SLAIN1: variants seen among roughly 807,000 people sequenced by gnomAD.
SLAIN1 encodes the protein SLAIN family member 1, also known as SLAIN motif-containing protein 1.
SLAIN1 carries 17 observed loss-of-function variants against 55.4 expected under a neutral mutation model. The ratio of observed to expected loss-of-function variants is 0.31; its 90% CI spans 0.21 to 0.46. The LOEUF (loss-of-function observed/expected upper bound fraction) is 0.46, where lower values mean the gene tolerates loss of function less well. Ranked by LOEUF, SLAIN1 falls within the 20% of genes least tolerant of loss-of-function variation. The pLI is 1.00. For missense variants in SLAIN1, 682 were observed against 785.1 expected (o/e 0.87, Z 1.57); for synonymous variants, 348 against 337.4 (o/e 1.03, Z -0.35).
chr13:77,753,551 A>G (rs1450884669), intron 5 of SLAIN1, among the ~76,000 whole-genome samples, 193 bp downstream of exon 5: 1 of 151,918 alleles, frequency 6.6e-6, no homozygotes, highest in African/African-American at 2.4e-5. Context: ...TTCAAATAGT[A>G]TATTTACTAT....
At position 77,761,060 on chromosome 13, in the gene SLAIN1, A is replaced by G; in HGVS notation, c.1647A>G (p.Ala549=). The part of the protein sequence containing the change: ...GRSALPRPSL[A]INGSNLPRSK... The stretch of plus-strand genomic sequence containing the variant: ...GTGCACTCCCAAGACCTTCGTTGGC[A>G]ATAAATGGGAGTAACCTGCCTCGAA... The change falls in exon 6 of 7, where the codon GCA becomes GCG. Residue 549 remains alanine, a synonymous_variant. Coordinates refer to ENST00000418532, the MANE Select transcript of SLAIN1 (RefSeq NM_001242868.2). The G allele has an allele frequency of 6.2e-7, 1 of 1,614,206 alleles. No homozygotes were observed. Among genetic ancestry groups the G allele is most frequent in the South Asian group, 1.1e-5 (1 of 91,088 alleles).
intron 2 of SLAIN1, chr13:77,741,394 T>G (rs1171509378): frequency 1.0e-6 from 1 of 987,364 alleles, no homozygotes; most frequent in Non-Finnish European, 1.2e-6. Flanking sequence ...GAACTGGAAG[T>G]GCATGTCTGT....
chr13:77,735,945 T>C (rs1210365289), intron 2 of SLAIN1, among the ~76,000 whole-genome samples: 1 of 151,968 alleles, frequency 6.6e-6, no homozygotes, highest in Non-Finnish European at 1.5e-5. Context: ...GGTAAATTCC[T>C]CTTAATTATG....
intron 5 of SLAIN1, among the ~76,000 whole-genome samples, chr13:77,759,935 A>G (rs1357740268): frequency 6.6e-6 from 1 of 152,186 alleles, no homozygotes; most frequent in African/African-American, 2.4e-5. Context: ...TCAAGAGATG[A>G]TAAATAAAAC....
chr13:77,718,446 G>A (rs1464659287), intron 1 of SLAIN1, among the ~76,000 whole-genome samples: 2 of 151,992 alleles, frequency 1.3e-5, no homozygotes, highest in East Asian at 3.9e-4. Context: ...TTTACTTGCC[G>A]GTCCTTTACA....
rs1432523286 is a variant in SLAIN1 at position 77,698,452 on chromosome 13, C to T, written c.539C>T (p.Pro180Leu). Reference protein sequence around the residue: ...GTPPGAAAAPPSPPPTLLDEV... With the variant: ...GTPPGAAAAPLSPPPTLLDEV... The stretch of plus-strand genomic sequence containing the variant: ...CCGCCAGGGGCAGCTGCAGCGCCGC[C>T]CTCGCCGCCCCCCACGCTGCTGGAC... Residue 180 changes from proline (P) to leucine (L), a missense_variant, in exon 1 of 7, where the codon CCC (proline) becomes CTC (leucine). Around this residue, in one of 3 missense-constraint regions of SLAIN1, gnomAD observed 401 missense variants for 417.3 expected, o/e 0.96. Transcript: ENST00000418532. This position sits in a 1 kb window ranked among gnomAD's most constrained non-coding sequence, Gnocchi z 4.1. 1.2e-5 allele frequency: 17 copies of T among 1,440,286 alleles called. No individual in the cohort carries two copies. The highest frequency in any genetic ancestry group is 2.8e-5 in the South Asian group (2 of 72,116). 89.2% of individuals were successfully genotyped at this position (1,440,286 alleles called of 1,614,324 possible). A position where few individuals can be genotyped will look rare whatever the true frequency, so the allele number is the denominator to read the frequency against.
At chr13:77,742,967 C>A in intron 2 of SLAIN1, 4 of 1,109,316 alleles carry the variant, frequency 3.6e-6, no homozygotes, top group South Asian at 1.8e-5. Context: ...GACAAGTCAA[C>A]ATATGCTTCC....
Position 77,727,168 on chromosome 13 carries a change from C to G in SLAIN1, c.766+7497C>G, listed in dbSNP as rs28651617. 9.4e-3 allele frequency among the ~76,000 whole-genome samples: 1,425 copies of G among 152,254 alleles called. 21 individuals carry two copies. The highest frequency in any genetic ancestry group is 0.036 in the South Asian group (172 of 4,824). ...TGAGTATGCAGTCTTCAACAAAGCT[C>G]AGTATCTTGGTTGGTTTTCCTCTTT... On this transcript the variant is annotated intron_variant, in intron 2 of 6. Coordinates refer to ENST00000418532, the MANE Select transcript of SLAIN1 (RefSeq NM_001242868.2).
chr13:77,724,772 G>A (rs145637526), intron 2 of SLAIN1, among the ~76,000 whole-genome samples: 43 of 151,922 alleles, frequency 2.8e-4, no homozygotes, highest in Non-Finnish European at 5.4e-4. Context: ...TAAGTTTTAG[G>A]GTACATGTGC....
chr13:77,728,103 G>C (rs935418894), intron 2 of SLAIN1, among the ~76,000 whole-genome samples: 2 of 152,048 alleles, frequency 1.3e-5, no homozygotes, highest in African/African-American at 4.8e-5. Context: ...TTAGTTGGTT[G>C]TTTTTATTTT....
chr13:77,707,923 G>A (rs1389847463), intron 1 of SLAIN1, among the ~76,000 whole-genome samples: 2 of 152,128 alleles, frequency 1.3e-5, no homozygotes, highest in Admixed American at 1.3e-4. Flanking sequence ...AGGGGTGGTA[G>A]GACTGGCTGT....
intron 1 of SLAIN1, among the ~76,000 whole-genome samples, chr13:77,708,752 C>T (rs1393298074): frequency 6.6e-6 from 1 of 152,080 alleles, no homozygotes; most frequent in East Asian, 1.9e-4. Flanking sequence ...GAAACCCCAT[C>T]CAAAGGTCAC....
chr13:77,744,545 C>A (rs762504708), intron 3 of SLAIN1, 113 bp downstream of exon 3: 5 of 1,535,038 alleles, frequency 3.3e-6, no homozygotes, highest in Admixed American at 1.8e-5. Context: ...GATTCTTTCT[C>A]TCATACTGTC....
At chr13:77,727,617 GTGCCTGGAATAAC>G (rs1268958139) in intron 2 of SLAIN1, among the ~76,000 whole-genome samples, 1 of 151,984 alleles carries the variant, frequency 6.6e-6, no homozygotes, top group African/African-American at 2.4e-5. Flanking sequence ...GACCCTTTCT[GTGCCTGGAATAAC>G]TCCCATCGCA....
chr13:77,739,354 A>G (rs1486533049), intron 2 of SLAIN1, among the ~76,000 whole-genome samples: 1 of 152,088 alleles, frequency 6.6e-6, no homozygotes, highest in Non-Finnish European at 1.5e-5. Flanking sequence ...AACTTGCCAA[A>G]ATTTTGACCA....
intron 4 of SLAIN1, among the ~76,000 whole-genome samples, chr13:77,749,743 C>T (rs1874079579): frequency 6.6e-6 from 1 of 152,186 alleles, no homozygotes; most frequent in Admixed American, 6.6e-5. Context: ...CATTGTTTGA[C>T]AGGAAATGTA....
chr13:77,713,966 G>A lies in SLAIN1; in HGVS notation c.627-5566G>A, dbSNP rs533417189. On this transcript the variant is annotated intron_variant, in intron 1 of 6. Coordinates refer to ENST00000418532, the MANE Select transcript of SLAIN1 (RefSeq NM_001242868.2). ...ATGTTCTCACTCATAGGTGGGAGTT[G>A]AACAATGAGAACACATGGACACAGG... Among the ~76,000 whole-genome samples the A allele has an allele frequency of 2.7e-5, 4 of 149,654 alleles. No individual in the cohort carries two copies. The Admixed American group carries it at 2.7e-4, about 10-fold the overall frequency.
Position 77,746,411 on chromosome 13 carries a change from G to A in SLAIN1, c.917-103G>A, listed in dbSNP as rs1873813736. ...CTTGAGAACAAGATAATAAGTCTCTGTGAGTAATTTATTTGGCACAATTTT... is the reference window on the plus strand; with the variant it reads ...CTTGAGAACAAGATAATAAGTCTCTATGAGTAATTTATTTGGCACAATTTT... On this transcript the variant is annotated intron_variant, in intron 3 of 6. Coordinates refer to ENST00000418532, the MANE Select transcript of SLAIN1 (RefSeq NM_001242868.2). The A allele has an allele frequency of 4.2e-6, 4 of 943,230 alleles. No homozygotes were observed. In the East Asian group the frequency reaches 1.0e-4, roughly 25 times the overall value. 58.4% of individuals were successfully genotyped at this position (943,230 alleles called of 1,614,324 possible).
intron 1 of SLAIN1, among the ~76,000 whole-genome samples, chr13:77,716,572 A>G (rs1400848015): frequency 3.9e-5 from 6 of 152,154 alleles, no homozygotes; most frequent in African/African-American, 1.4e-4. Flanking sequence ...TTCAGTGTTC[A>G]GGTCCTACAC....
Sources: allele counts gnomAD v4.1 joint callset (sites outside exome capture counted in the v4.1 genomes callset), GRCh38; gene constraint gnomAD v4.1.1; regional missense constraint gnomAD v4.1.1; non-coding constraint Gnocchi (gnomAD v3.1); transcripts MANE v1.5; gene names NCBI Gene and HGNC (gene_info 2026-07-23, HGNC 2026-07-21).